CYP3A5: variants seen among roughly 807,000 people sequenced by gnomAD.
CYP3A5 encodes cytochrome P450 family 3 subfamily A member 5, also known as cytochrome P450 3A5.
Under a neutral mutation model 55.9 loss-of-function variants are expected in CYP3A5, and 51 were observed. That is an observed-to-expected ratio of 0.91 (90% CI 0.73 to 1.15). The LOEUF (loss-of-function observed/expected upper bound fraction) is 1.15. CYP3A5 is among the 50% of genes most tolerant of loss of function. The probability of loss-of-function intolerance (pLI) is 0.00; values close to 1 mark genes in which losing one functional copy is unlikely to be tolerated. For synonymous variants in CYP3A5, 196 were observed against 213.9 expected, an observed-to-expected ratio of 0.92 and a Z score of 0.73; for missense variants, 533 against 596.6, an observed-to-expected ratio of 0.89 and a Z score of 1.11.
Position 99,652,681 on chromosome 7 carries a change from C to G in CYP3A5, c.1125G>C (p.Arg375Ser). 6.2e-7 allele frequency: 1 copy of G among 1,614,082 alleles called. No homozygotes were observed. Among genetic ancestry groups the G allele is most frequent in the Non-Finnish European group, 8.5e-7 (1 of 1,180,010 alleles). ...TGATTTCAACATCTTTCTTGCAAGT[C>G]CTCTCAAGTCTAATAGCAACTGGGA... Reference protein sequence around the residue: ...RLFPVAIRLERTCKKDVEING... With the variant: ...RLFPVAIRLESTCKKDVEING... The change falls in exon 11 of 13, where the codon AGG (arginine) becomes AGC (serine). Residue 375 changes from arginine to serine, a missense_variant. Coordinates refer to ENST00000222982, the MANE Select transcript of CYP3A5 (RefSeq NM_000777.5).
rs1469971885 is a variant in CYP3A5, at chr7:99,662,856, C to G, written c.825G>C (p.Met275Ile). The change falls in exon 9 of 13, where the codon ATG (methionine) becomes ATC (isoleucine). Residue 275 changes from methionine (M) to isoleucine (I), a missense_variant. Physicochemically the swap from Met to Ile is conservative, Grantham distance 10. Transcript: ENST00000222982. The surrounding 1 kb of genome is among the most constrained non-coding windows in gnomAD (Gnocchi z 4.3). The stretch of plus-strand genomic sequence containing the variant: ...TTTCTTTCGAATTCTGGGAGTCAAT[C>G]ATCAGCTGAAGGAAATCTAGTCGGT... ...QKHRLDFLQL[M>I]IDSQNSKETE... The G allele has an allele frequency of 6.2e-7, 1 of 1,613,970 alleles. No homozygotes were observed. Among genetic ancestry groups the G allele is most frequent in the Admixed American group, 1.7e-5 (1 of 60,030 alleles).
intron 3 of CYP3A5, among the ~76,000 whole-genome samples, chr7:99,673,462 C>G (rs1811887696): frequency 6.6e-6 from 1 of 152,210 alleles, no homozygotes; most frequent in Non-Finnish European, 1.5e-5. Context: ...TATTCAGCAT[C>G]TCTTCTTCAA....
chr7:99,659,487 T>G (rs1810155190), intron 10 of CYP3A5: 1 of 154,328 alleles, frequency 6.5e-6, no homozygotes, highest in African/African-American at 2.4e-5. Context: ...CTGCCCCTAC[T>G]GGGGGGTGCC....
At chr7:99,651,622 A>G (rs1479850457) in intron 11 of CYP3A5, among the ~76,000 whole-genome samples, 1 of 152,234 alleles carries the variant, frequency 6.6e-6, no homozygotes, top group Non-Finnish European at 1.5e-5. Flanking sequence ...TCCTCCCATC[A>G]GCAAACTTGC....
At chr7:99,661,550 AG>A (rs1810448286) in intron 9 of CYP3A5, among the ~76,000 whole-genome samples, 1 of 152,226 alleles carries the variant, frequency 6.6e-6, no homozygotes, top group Non-Finnish European at 1.5e-5. Context: ...TTCTCCTGAG[AG>A]AAGCTCACGA....
intron 1 of CYP3A5, chr7:99,676,442 C>T: frequency 1.4e-6 from 2 of 1,464,434 alleles, no homozygotes; most frequent in Non-Finnish European, 1.8e-6. Context: ...TCTTCATAGT[C>T]CCAATCCTGG....
At chr7:99,664,178 A>G in intron 7 of CYP3A5, 83 bp from the exon 8 acceptor site, 1 of 1,098,114 alleles carries the variant, frequency 9.1e-7, no homozygotes, top group Non-Finnish European at 1.3e-6. Context: ...CTCTACCAGT[A>G]ATAAGAATAA....
intron 10 of CYP3A5, among the ~76,000 whole-genome samples, chr7:99,656,062 A>G (rs1809694329): frequency 6.6e-6 from 1 of 152,108 alleles, no homozygotes; most frequent in Non-Finnish European, 1.5e-5. Flanking sequence ...CTAATTGAAT[A>G]CCCTTTATTT....
chr7:99,668,695 G>A lies in CYP3A5; in HGVS notation c.319-1630C>T, dbSNP rs4646450. ...CAAAGAGCGAGAGGACGCTATTGCA[G>A]TGCCACGTGAAGTGAATTGTGACAA... On this transcript the variant is annotated intron_variant, in intron 4 of 12. Coordinates refer to ENST00000222982, the MANE Select transcript of CYP3A5 (RefSeq NM_000777.5). Among the ~76,000 whole-genome samples the A allele has an allele frequency of 0.38, 57,223 of 152,178 alleles. 17,458 individuals carry two copies. The highest frequency in any genetic ancestry group is 0.84 in the African/African-American group (34,970 of 41,504).
In CYP3A5 at chr7:99,666,582, T is replaced by G. The variant is rs371370112; in HGVS notation, c.521+19A>C. On this transcript the variant is annotated intron_variant, in intron 6 of 12. Transcript: ENST00000222982. The stretch of plus-strand genomic sequence containing the variant: ...GGGCTCATGACAGCTCAGAACCCCA[T>G]GGCTGTGCTCCTACTTACTCTTTCA... The G allele has an allele frequency of 1.2e-6, 2 of 1,611,712 alleles. No homozygotes were observed. The highest frequency in any genetic ancestry group is 2.7e-5 in the African/African-American group (2 of 74,864).
rs188843385 is a variant in CYP3A5, at chr7:99,662,888, A to G, written c.799-6T>C. The G allele has an allele frequency of 1.5e-5, 25 of 1,613,704 alleles. No homozygotes were observed. The highest frequency in any genetic ancestry group is 5.0e-5 in the Admixed American group (3 of 60,004). On this transcript the variant is annotated splice_region_variant and splice_polypyrimidine_tract_variant and intron_variant, in intron 8 of 12. Coordinates refer to ENST00000222982, the MANE Select transcript of CYP3A5 (RefSeq NM_000777.5). The surrounding 1 kb of genome is among the most constrained non-coding windows in gnomAD (Gnocchi z 4.3). ...TGAAGGAAATCTAGTCGGTGCTAGA[A>G]GCAAAAGGAGAGATTTCTTTGGCAG... is the stretch of plus-strand genomic sequence containing the variant.
At chr7:99,648,664 GT>G (rs4646455) in intron 12 of CYP3A5, among the ~76,000 whole-genome samples, 4,503 of 141,306 alleles carry the variant, frequency 0.032, 208 homozygotes, top group African/African-American at 0.1. Context: ...GTGGACTCGT[GT>G]TTTTTTTTTT....
intron 4 of CYP3A5, among the ~76,000 whole-genome samples, chr7:99,669,522 T>C (rs1462107564): frequency 6.6e-6 from 1 of 152,354 alleles, no homozygotes; most frequent in South Asian, 2.1e-4. Context: ...CTTGAGAAAC[T>C]GATATTTCTA....
At position 99,662,241 on chromosome 7, in the gene CYP3A5, C is replaced by A. The variant is rs1810524743; in HGVS notation, c.865+575G>T. Among the ~76,000 whole-genome samples the A allele has an allele frequency of 1.3e-5, 2 of 152,196 alleles. No individual in the cohort carries two copies. Among genetic ancestry groups the A allele is most frequent in the Non-Finnish European group, 2.9e-5 (2 of 68,030 alleles). ...GTAGCTTGAAATTGACCATGGTTAT[C>A]ATTTTGCCACTGTCTTAGTAATAAT... On this transcript the variant is annotated intron_variant, in intron 9 of 12. Coordinates refer to ENST00000222982, the MANE Select transcript of CYP3A5 (RefSeq NM_000777.5). The surrounding 1 kb of genome is among the most constrained non-coding windows in gnomAD (Gnocchi z 4.3).
chr7:99,679,602 C>T (rs754728880), intron 1 of CYP3A5, among the ~76,000 whole-genome samples: 4 of 152,152 alleles, frequency 2.6e-5, no homozygotes, highest in African/African-American at 9.7e-5. Context: ...TGTCCCTAAA[C>T]CCTCCTAGTC....
At chr7:99,651,644 A>G (rs944482634) in intron 11 of CYP3A5, among the ~76,000 whole-genome samples, 1 of 152,212 alleles carries the variant, frequency 6.6e-6, no homozygotes, top group African/African-American at 2.4e-5. Context: ...GGTAGGGGCT[A>G]ATGAAAGTCT....
At chr7:99,657,544 A>C (rs1028128421) in intron 10 of CYP3A5, among the ~76,000 whole-genome samples, 1 of 152,206 alleles carries the variant, frequency 6.6e-6, no homozygotes, top group African/African-American at 2.4e-5. Context: ...TGGTGCTGAA[A>C]AGAATGTATA....
intron 9 of CYP3A5, 21 bp from the exon 10 acceptor site, chr7:99,660,680 T>A (rs765263066): frequency 6.2e-7 from 1 of 1,612,768 alleles, no homozygotes; most frequent in Non-Finnish European, 8.5e-7. Context: ...AGGAAAGACA[T>A]TTTAGGTAAA....
chr7:99,674,647 A>C, intron 2 of CYP3A5, 62 bp from the exon 3 acceptor site: 1 of 1,421,636 alleles, frequency 7.0e-7, no homozygotes, highest in Non-Finnish European at 9.8e-7. Context: ...CCTACCTCTA[A>C]TTGGGGCTGA....
Sources: allele counts gnomAD v4.1 joint callset (sites outside exome capture counted in the v4.1 genomes callset), GRCh38; gene constraint gnomAD v4.1.1; non-coding constraint Gnocchi (gnomAD v3.1); transcripts MANE v1.5; gene names NCBI Gene and HGNC (gene_info 2026-07-23, HGNC 2026-07-21).